Variants in TDRD1 observed in about 807,000 individuals in gnomAD.
The protein encoded by TDRD1 is tudor domain containing 1, also known as tudor domain-containing protein 1.
Under a neutral mutation model 140.6 loss-of-function variants are expected in TDRD1, and 37 were observed. That is an observed-to-expected ratio of 0.26 (90% CI 0.20 to 0.35). The LOEUF is 0.35. Among genes scored for constraint, TDRD1 ranks in the 10% least tolerant of loss-of-function variants. TDRD1 has a pLI of 1.00. For missense variants in TDRD1, 1,243 were observed against 1,393.0 expected, an observed-to-expected ratio of 0.89 and a Z score of 1.71; for synonymous variants, 506 against 475.7, an observed-to-expected ratio of 1.06 and a Z score of -0.83.
At chr10:114,175,011 T>G (rs1335828914), upstream of TDRD1, among the ~76,000 whole-genome samples, 2 of 152,234 alleles carry the variant, frequency 1.3e-5, no homozygotes, top group Admixed American at 1.3e-4. Flanking sequence ...CAGACGATTC[T>G]GCAATGTAAG....
intron 23 of TDRD1, 88 bp downstream of exon 23, chr10:114,227,387 C>A: frequency 2.1e-6 from 2 of 946,234 alleles, no homozygotes; most frequent in South Asian, 1.5e-5. Flanking sequence ...TTTCTCACTT[C>A]CCATGCCATA....
intron 11 of TDRD1, among the ~76,000 whole-genome samples, chr10:114,210,032 T>G (rs2035381076): frequency 2.6e-5 from 4 of 152,252 alleles, no homozygotes; most frequent in Admixed American, 2.6e-4. Flanking sequence ...TACTTTTCAC[T>G]GTGCTTTTGA....
intron 1 of TDRD1, among the ~76,000 whole-genome samples, chr10:114,186,661 A>T (rs2033556132): frequency 6.6e-6 from 1 of 152,108 alleles, no homozygotes; most frequent in Non-Finnish European, 1.5e-5. Context: ...GCTTATCCAT[A>T]ACAGTTTTAC....
intron 16 of TDRD1, among the ~76,000 whole-genome samples, chr10:114,215,117 C>G (rs987732958): frequency 6.6e-6 from 1 of 152,138 alleles, no homozygotes; most frequent in African/African-American, 2.4e-5. Context: ...TTTGAACTTT[C>G]TAGAAATGGA....
At chr10:114,213,879 G>A (rs2035644279) in intron 15 of TDRD1, 98 bp from the exon 16 acceptor site, 5 of 1,103,544 alleles carry the variant, frequency 4.5e-6, no homozygotes, top group Non-Finnish European at 6.7e-6. Context: ...TAAAAAGTCA[G>A]TGGAAATTCA....
chr10:114,214,990 C>G (rs1243748998), intron 16 of TDRD1, among the ~76,000 whole-genome samples: 2 of 152,152 alleles, frequency 1.3e-5, no homozygotes, highest in Non-Finnish European at 2.9e-5. Flanking sequence ...AATCCACCTG[C>G]CTCGGCCTCC....
intron 18 of TDRD1, among the ~76,000 whole-genome samples, chr10:114,219,275 T>A (rs1343372073): frequency 1.3e-5 from 2 of 152,240 alleles, no homozygotes; most frequent in African/African-American, 4.8e-5. Context: ...ATTTAAACTT[T>A]CTGTGCTTCT....
intron 1 of TDRD1, among the ~76,000 whole-genome samples, chr10:114,187,056 C>T (rs1447054182): frequency 6.6e-6 from 1 of 152,192 alleles, no homozygotes; most frequent in East Asian, 1.9e-4. Context: ...CTGGGCAGGG[C>T]ACTTAGAATT....
chr10:114,193,502 CA>C (rs2034135140), intron 3 of TDRD1, among the ~76,000 whole-genome samples: 1 of 152,114 alleles, frequency 6.6e-6, no homozygotes, highest in South Asian at 2.1e-4. Flanking sequence ...CCATGTTGAT[CA>C]GGCCGGTCCC....
At chr10:114,220,402 A>C (rs1213532815) in intron 18 of TDRD1, among the ~76,000 whole-genome samples, 166 bp from the exon 19 acceptor site, 1 of 152,224 alleles carries the variant, frequency 6.6e-6, no homozygotes, top group Admixed American at 6.5e-5. Flanking sequence ...CAAGTGCATT[A>C]TCTCTTAAGT....
chr10:114,204,870 T>C (rs2035001209), exon 10 of TDRD1: 2 of 1,592,036 alleles, frequency 1.3e-6, no homozygotes, highest in Non-Finnish European at 8.5e-7. Flanking sequence ...ACCTTTGCTG[T>C]AGAAGTTGAG....
At chr10:114,201,959 G>A (rs1236389901) in intron 5 of TDRD1, among the ~76,000 whole-genome samples, 1 of 152,182 alleles carries the variant, frequency 6.6e-6, no homozygotes, top group Non-Finnish European at 1.5e-5. Flanking sequence ...TTACAGATAA[G>A]AAAACAGGCT....
intron 9 of TDRD1, 130 bp downstream of exon 9, chr10:114,204,346 C>T: frequency 1.0e-6 from 1 of 1,004,014 alleles, no homozygotes; most frequent in Non-Finnish European, 1.4e-6. Context: ...AATAAACACT[C>T]ATGGGCTATC....
intron 1 of TDRD1, among the ~76,000 whole-genome samples, chr10:114,181,845 CAAA>C (rs11307772): frequency 0.012 from 1,547 of 133,982 alleles, 20 homozygotes; most frequent in African/African-American, 0.04. Context: ...GACAACATCT[CAAA>C]AAAAAAAAAA....
At chr10:114,187,903 G>C (rs2033657269) in exon 2 of TDRD1, 7 of 1,612,612 alleles carry the variant, frequency 4.3e-6, no homozygotes, top group Non-Finnish European at 5.9e-6. Context: ...AGATGACAGA[G>C]CCATTTAATT....
chr10:114,205,560 C>G (rs2035043184), intron 10 of TDRD1, among the ~76,000 whole-genome samples: 1 of 152,168 alleles, frequency 6.6e-6, no homozygotes, highest in South Asian at 2.1e-4. Context: ...TTCAGCCATA[C>G]TTATGTCTTA....
At chr10:114,210,668 A>G (rs1227451059) in exon 12 of TDRD1, 2 of 1,612,954 alleles carry the variant, frequency 1.2e-6, no homozygotes, top group African/African-American at 1.3e-5. Flanking sequence ...TTAACTTTGA[A>G]TGTAGGTGAT....
At chr10:114,210,545 A>G in intron 11 of TDRD1, 36 bp from the exon 12 acceptor site, 1 of 1,532,238 alleles carries the variant, frequency 6.5e-7, no homozygotes, top group East Asian at 2.3e-5. Flanking sequence ...TTGGATGAAA[A>G]CAAAATGGCT....
chr10:114,218,055 A>G (rs150578467), intron 17 of TDRD1, among the ~76,000 whole-genome samples: 252 of 152,326 alleles, frequency 1.7e-3, no homozygotes, highest in Non-Finnish European at 3.1e-3. Context: ...CCACATAACA[A>G]GTAAAATAAT....
Sources: gnomAD v4.1 joint callset for allele counts (sites outside exome capture counted in the v4.1 genomes callset) on GRCh38, gnomAD v4.1.1 for gene constraint, MANE v1.5 for transcripts, NCBI Gene and HGNC (gene_info 2026-07-23, HGNC 2026-07-21) for gene names.